PCDHA13: variants seen among roughly 807,000 people sequenced by gnomAD.
PCDHA13 encodes protocadherin alpha-13.
PCDHA13 carries 54 observed loss-of-function variants against 64.8 expected under a neutral mutation model. The ratio of observed to expected loss-of-function variants is 0.83; its 90% CI spans 0.67 to 1.04. PCDHA13 has a LOEUF of 1.04. PCDHA13 is among the 50% of genes least tolerant of loss of function. The pLI is 0.00. For synonymous variants in PCDHA13, 587 were observed against 564.4 expected (o/e 1.04, Z -0.57); for missense variants, 1,248 against 1,254.3 (o/e 0.99, Z 0.08).
intron 3 of PCDHA13, among the ~76,000 whole-genome samples, chr5:140,984,425 A>G (rs1488284803): frequency 6.6e-6 from 1 of 152,174 alleles, no homozygotes; most frequent in Non-Finnish European, 1.5e-5. Context: ...GAGATAGAGA[A>G]GGGGATCTCC....
intron 1 of PCDHA13, 79 bp from the exon 2 acceptor site, chr5:140,978,870 G>T: frequency 6.2e-7 from 1 of 1,606,988 alleles, no homozygotes; most frequent in Non-Finnish European, 8.5e-7. Context: ...ATTTAAGGGA[G>T]TAACTAATCA....
At chr5:140,977,097 G>T (rs988046010) in intron 1 of PCDHA13, among the ~76,000 whole-genome samples, 2 of 152,222 alleles carry the variant, frequency 1.3e-5, no homozygotes, top group African/African-American at 4.8e-5. Flanking sequence ...GTGTCATTGG[G>T]GAAGTGAGAT....
chr5:140,943,719 T>G (rs1198620937), intron 1 of PCDHA13, among the ~76,000 whole-genome samples: 2 of 152,126 alleles, frequency 1.3e-5, no homozygotes, highest in African/African-American at 4.8e-5. Context: ...TTTAAAGGTC[T>G]GAGAGAATGA....
Position 140,884,559 on chromosome 5 carries a change from C to A in PCDHA13, c.2291C>A (p.Pro764Gln), listed in dbSNP as rs782174598. The change falls in exon 1 of 4, where the codon CCG becomes CAG. Residue 764 changes from proline to glutamine, a missense_variant. Coordinates refer to ENST00000289272, the MANE Select transcript of PCDHA13 (RefSeq NM_018904.3). ...RRPRVCSGEG[P>Q]HKTDLMAFSP... Reference sequence around the variant, plus strand: ...CCGAGGGTGTGCTCTGGGGAGGGCCCGCATAAGACGGACCTCATGGCCTTC... The same window carrying A: ...CCGAGGGTGTGCTCTGGGGAGGGCCAGCATAAGACGGACCTCATGGCCTTC... 6.2e-7 allele frequency: 1 copy of A among 1,614,094 alleles called. No homozygotes were observed. Among genetic ancestry groups the A allele is most frequent in the South Asian group, 1.1e-5 (1 of 91,082 alleles).
At chr5:140,990,130 G>A (rs1448603304) in intron 3 of PCDHA13, among the ~76,000 whole-genome samples, 1 of 152,066 alleles carries the variant, frequency 6.6e-6, no homozygotes, top group Admixed American at 6.6e-5. Flanking sequence ...GTAGAAGTCA[G>A]ACTCAAGAGG....
At chr5:140,917,892 T>C (rs1382149175) in intron 1 of PCDHA13, among the ~76,000 whole-genome samples, 2 of 152,104 alleles carry the variant, frequency 1.3e-5, no homozygotes, top group African/African-American at 4.8e-5. Flanking sequence ...TTTTTCCATA[T>C]GAATGTTAGG....
intron 3 of PCDHA13, 125 bp downstream of exon 3, chr5:140,982,688 A>G: frequency 6.4e-6 from 9 of 1,415,764 alleles, no homozygotes; most frequent in African/African-American, 1.4e-5. Flanking sequence ...CCTTTTTTCC[A>G]TACATACATG....
chr5:140,893,778 A>G (rs1017243223), intron 1 of PCDHA13, among the ~76,000 whole-genome samples: 2 of 151,936 alleles, frequency 1.3e-5, no homozygotes, highest in South Asian at 4.2e-4. Flanking sequence ...CTTTTCTTTT[A>G]CCGTTTTTAG....
intron 1 of PCDHA13, chr5:140,968,975 T>G (rs782002097): frequency 2.5e-6 from 4 of 1,614,168 alleles, no homozygotes; most frequent in Non-Finnish European, 3.4e-6. Context: ...CTACACTGCG[T>G]ATGGCACTGC....
At chr5:140,951,507 C>A (rs2094591964) in intron 1 of PCDHA13, among the ~76,000 whole-genome samples, 1 of 151,952 alleles carries the variant, frequency 6.6e-6, no homozygotes, top group African/African-American at 2.4e-5. Flanking sequence ...AAAAGGAAAG[C>A]GGCTCATCTT....
intron 1 of PCDHA13, among the ~76,000 whole-genome samples, chr5:140,949,539 A>G (rs971813092): frequency 6.6e-6 from 1 of 151,744 alleles, no homozygotes; most frequent in Admixed American, 6.6e-5. Context: ...TAAAATATCG[A>G]TTTGTTGCTG....
chr5:140,999,801 G>T (rs1271249129), intron 3 of PCDHA13, among the ~76,000 whole-genome samples: 1 of 152,112 alleles, frequency 6.6e-6, no homozygotes, highest in Admixed American at 6.5e-5. Flanking sequence ...GTTATTTTGG[G>T]CACAAAGCAA....
chr5:140,908,834 G>A (rs915665508), intron 1 of PCDHA13, among the ~76,000 whole-genome samples: 64 of 152,226 alleles, frequency 4.2e-4, no homozygotes, highest in African/African-American at 1.4e-3. Flanking sequence ...CGATAAATGG[G>A]CTGGAGTAAC....
At chr5:141,002,474 C>T (rs141241701) in intron 3 of PCDHA13, among the ~76,000 whole-genome samples, 65 of 152,334 alleles carry the variant, frequency 4.3e-4, no homozygotes, top group African/African-American at 1.3e-3. Flanking sequence ...TTAGCATTTT[C>T]AAAGGATGAC....
chr5:141,004,101 T>C (rs2098153096), intron 3 of PCDHA13, among the ~76,000 whole-genome samples: 1 of 152,220 alleles, frequency 6.6e-6, no homozygotes, highest in Admixed American at 6.5e-5. Flanking sequence ...TCCGTTTTCA[T>C]CTTCTTCAAA....
chr5:140,898,628 C>T (rs1305030651), intron 1 of PCDHA13, among the ~76,000 whole-genome samples: 2 of 152,176 alleles, frequency 1.3e-5, no homozygotes, highest in African/African-American at 4.8e-5. Context: ...TAGCATAATG[C>T]CTCCAGCTTT....
Position 140,883,538 on chromosome 5 carries a change from G to A in PCDHA13, c.1270G>A (p.Val424Met), listed in dbSNP as rs782240531. The change falls in exon 1 of 4, where the codon GTG (valine) becomes ATG (methionine). Residue 424 changes from valine to methionine, a missense_variant. Physicochemically the swap from Val to Met is conservative, Grantham distance 21. Transcript: ENST00000289272. ...CGAGAGCGTATCAGCCTATGAACTG[G>A]TGGTGACCGCGCGGGACGGGGGCTC... Reference protein sequence around the residue: ...DRESVSAYELVVTARDGGSPS... With the variant: ...DRESVSAYELMVTARDGGSPS... 1 of 1,614,230 alleles carries A rather than the reference G, an allele frequency of 6.2e-7. No individual in the cohort carries two copies. Among genetic ancestry groups the A allele is most frequent in the Admixed American group, 1.7e-5 (1 of 60,024 alleles).
intron 3 of PCDHA13, among the ~76,000 whole-genome samples, chr5:140,992,490 G>A (rs2097515419): frequency 6.6e-6 from 1 of 152,196 alleles, no homozygotes; most frequent in Non-Finnish European, 1.5e-5. Flanking sequence ...AGGCCAATCT[G>A]TAAGGATTCA....
At chr5:140,931,405 G>C (rs1395168165) in intron 1 of PCDHA13, among the ~76,000 whole-genome samples, 1 of 151,984 alleles carries the variant, frequency 6.6e-6, no homozygotes, top group South Asian at 2.1e-4. Flanking sequence ...CGATAGGAAG[G>C]CTGATGAATC....
Sources: allele counts gnomAD v4.1 joint callset (sites outside exome capture counted in the v4.1 genomes callset), GRCh38; gene constraint gnomAD v4.1.1; transcripts MANE v1.5; gene names NCBI Gene and HGNC (gene_info 2026-07-23, HGNC 2026-07-21).